Variants in TRIM42 observed in about 807,000 individuals in gnomAD.
The protein encoded by TRIM42 is tripartite motif containing 42.
TRIM42 carries 59 observed loss-of-function variants against 64.9 expected under a neutral mutation model. The observed-to-expected ratio is 0.91, with a 90% CI of 0.74 to 1.13. The LOEUF (loss-of-function observed/expected upper bound fraction) is 1.13, where lower values mean the gene tolerates loss of function less well. TRIM42 is among the 50% of genes most tolerant of loss of function. The probability of loss-of-function intolerance (pLI) is 0.00; values close to 1 mark genes in which losing one functional copy is unlikely to be tolerated. For missense variants in TRIM42, 878 were observed against 929.5 expected (o/e 0.94, Z 0.72); for synonymous variants, 354 against 346.3 (o/e 1.02, Z -0.25).
At chr3:140,679,869 C>T (rs1246148700) in intron 1 of TRIM42, among the ~76,000 whole-genome samples, 1 of 151,974 alleles carries the variant, frequency 6.6e-6, no homozygotes, top group Admixed American at 6.6e-5. Flanking sequence ...ATTACTGATG[C>T]CTGATCCCCA....
rs1988600669 is a variant in TRIM42 at position 140,688,125 on chromosome 3, G to A, written c.1443G>A (p.Glu481=). 6.2e-7 allele frequency: 1 copy of A among 1,613,890 alleles called. No homozygotes were observed. The highest frequency in any genetic ancestry group is 1.3e-5 in the African/African-American group (1 of 74,902). Residue 481 remains glutamate, a synonymous_variant, in exon 3 of 5, where the codon GAG becomes GAA. Transcript: ENST00000286349. ...SINYVPLDFV[E]LSSAIHELFP... ...ACTACGTGCCCTTGGACTTTGTTGA[G>A]CTTTCCAGTGCCATCCATGAGCTCT...
chr3:140,682,984 G>A lies in TRIM42; in HGVS notation c.864G>A (p.Lys288=), dbSNP rs1474604544. Residue 288 remains lysine, a synonymous_variant, in exon 2 of 5, where the codon AAG becomes AAA. Coordinates refer to ENST00000286349, the MANE Select transcript of TRIM42 (RefSeq NM_152616.5). ...VDTSAEEQDE[K]ICIHHPSSRI... is the part of the protein sequence containing the mutation. ...CCAGCGCCGAGGAACAGGACGAGAA[G>A]ATCTGCATCCACCACCCATCCAGCC... 5.6e-6 allele frequency: 9 copies of A among 1,614,122 alleles called. No individual in the cohort carries two copies. The highest frequency in any genetic ancestry group is 1.7e-6 in the Non-Finnish European group (2 of 1,180,046).
intron 3 of TRIM42, among the ~76,000 whole-genome samples, chr3:140,689,430 G>A (rs1333871535): frequency 1.3e-5 from 2 of 152,112 alleles, no homozygotes; most frequent in African/African-American, 4.8e-5. Flanking sequence ...AGATCCTTGA[G>A]TTCTCAAACA....
Position 140,680,565 on chromosome 3 carries a change from C to T in TRIM42, c.342-1897C>T, listed in dbSNP as rs888491615. 2.2e-5 allele frequency: 11 copies of T among 494,884 alleles called. No homozygotes were observed. In the African/African-American group the frequency reaches 2.3e-4, roughly 10 times the overall value. The allele number at this position is 494,884 out of a possible 1,614,324, so 30.7% of individuals were successfully genotyped here. A position where few individuals can be genotyped will look rare whatever the true frequency, so the allele number is the denominator to read the frequency against. On this transcript the variant is annotated intron_variant, in intron 1 of 4. Transcript: ENST00000286349. The stretch of plus-strand genomic sequence containing the variant: ...TCCTGTGAAGGCCTCATAACAGCCT[C>T]TCTTTATATTATACCTTGATTCTCC...
chr3:140,698,701 T>C (rs1024763384), intron 4 of TRIM42, among the ~76,000 whole-genome samples: 23 of 152,186 alleles, frequency 1.5e-4, no homozygotes, highest in Non-Finnish European at 1.5e-5. Flanking sequence ...GAATAAAGAC[T>C]ATTTCTGTTT....
rs140813588 is a variant in TRIM42 at position 140,700,616 on chromosome 3, C to G, written c.2086-272C>G. On this transcript the variant is annotated intron_variant, in intron 4 of 4. Transcript: ENST00000286349. ...ACCTGCGGTCCAGCCCCATCACTGT[C>G]ATCAGCACTTAGTCACATGAGCTAC... Among the ~76,000 whole-genome samples the G allele has an allele frequency of 5.3e-5, 8 of 152,346 alleles. No individual in the cohort carries two copies. In the East Asian group the frequency reaches 1.5e-3, roughly 29 times the overall value.
intron 4 of TRIM42, among the ~76,000 whole-genome samples, chr3:140,695,462 G>T (rs771189203): frequency 6.6e-6 from 1 of 152,012 alleles, no homozygotes; most frequent in Non-Finnish European, 1.5e-5. Context: ...TAATTTTCTG[G>T]GTCTTTCCCT....
chr3:140,688,065 C>G lies in TRIM42; in HGVS notation c.1383C>G (p.Tyr461Ter). The change falls in exon 3 of 5, where the codon TAC becomes TAG. Residue 461 changes from tyrosine to a stop codon, truncating the protein, a stop_gained. Coordinates refer to ENST00000286349, the MANE Select transcript of TRIM42 (RefSeq NM_152616.5). LOFTEE classifies it high-confidence loss of function. ...TCGAGGACGGCATCCAGACCACCTA[C>G]AGGCCTGACCCACAGCTCCGGCTGC... Reference protein sequence around the residue: ...DQIEDGIQTTYRPDPQLRLHS... With the variant: ...DQIEDGIQTT 1 of 1,614,212 alleles carries G rather than the reference C, an allele frequency of 6.2e-7. No individual in the cohort carries two copies. Among genetic ancestry groups the G allele is most frequent in the African/African-American group, 1.3e-5 (1 of 75,042 alleles).
At chr3:140,689,106 G>C (rs1261933642) in intron 3 of TRIM42, among the ~76,000 whole-genome samples, 1 of 152,196 alleles carries the variant, frequency 6.6e-6, no homozygotes, top group Non-Finnish European at 1.5e-5. Context: ...GTCTGTCACA[G>C]ACCTCTGTAA....
chr3:140,694,939 G>A (rs1362528169), intron 4 of TRIM42, among the ~76,000 whole-genome samples: 1 of 152,104 alleles, frequency 6.6e-6, no homozygotes, highest in Non-Finnish European at 1.5e-5. Context: ...ATTCAGGCTA[G>A]TCTCCCTACC....
intron 3 of TRIM42, among the ~76,000 whole-genome samples, chr3:140,690,648 G>A (rs1215746703): frequency 6.7e-6 from 1 of 148,266 alleles, no homozygotes; most frequent in Non-Finnish European, 1.5e-5. Flanking sequence ...ACTGAATTGT[G>A]ATATTATGAG....
Position 140,688,387 on chromosome 3 carries a change from G to GA in TRIM42, c.1706dup (p.Asp569GlufsTer66), listed in dbSNP as rs1433368235. On this transcript the variant is annotated frameshift_variant, in exon 3 of 5. Transcript: ENST00000286349. LOFTEE classifies it high-confidence loss of function. The stretch of plus-strand genomic sequence containing the variant: ...GTCAGCCACCCCCGCCAAACCCACA[G>GA]ACGGCCTCTACACCTACTGGAGTGC... 6.2e-7 allele frequency: 1 copy of GA among 1,614,200 alleles called. No homozygotes were observed. The highest frequency in any genetic ancestry group is 1.1e-5 in the South Asian group (1 of 91,080).
intron 4 of TRIM42, among the ~76,000 whole-genome samples, chr3:140,700,111 G>C (rs1237380002): frequency 1.3e-5 from 2 of 152,070 alleles, no homozygotes; most frequent in Admixed American, 6.5e-5. Context: ...ATTTATTTGG[G>C]GGGAAGGAAT....
Position 140,690,547 on chromosome 3 carries a change from A to G in TRIM42, c.1861-421A>G, listed in dbSNP as rs1211821902. Among the ~76,000 whole-genome samples, 77 of 16,882 alleles carry G rather than the reference A, an allele frequency of 4.6e-3. 1 individual carries two copies. The highest frequency in any genetic ancestry group is 0.01 in the African/African-American group (72 of 6,954). The allele number at this position is 16,882 out of a possible 152,430, so 11.1% of individuals were successfully genotyped here. On this transcript the variant is annotated intron_variant, in intron 3 of 4. Transcript: ENST00000286349. ...AGTTTTTATGTATATATATATATAT[A>G]TATATATATATATATATATATATAT...
chr3:140,699,772 C>A (rs1471653001), intron 4 of TRIM42, among the ~76,000 whole-genome samples: 1 of 152,156 alleles, frequency 6.6e-6, no homozygotes, highest in African/African-American at 2.4e-5. Flanking sequence ...ATTTCCATTT[C>A]TACTCAGCAA....
chr3:140,679,820 A>G (rs971631465), intron 1 of TRIM42, among the ~76,000 whole-genome samples: 6 of 151,966 alleles, frequency 3.9e-5, no homozygotes, highest in South Asian at 2.1e-4. Context: ...TAGCTCCCCA[A>G]CGTTACTGTG....
rs777109636 is a variant in TRIM42 at position 140,682,812 on chromosome 3, G to C, written c.692G>C (p.Arg231Pro). ...GGCTACCTCAAGTGGCGCTTTGACC[G>C]CTCCTCCGGGCCCATCCTCTGCCAG... ...EHGYLKWRFD[R>P]SSGPILCQVC... The change falls in exon 2 of 5, where the codon CGC becomes CCC. Residue 231 changes from arginine to proline, a missense_variant. Transcript: ENST00000286349. The C allele has an allele frequency of 3.1e-6, 5 of 1,613,942 alleles. No homozygotes were observed. Among genetic ancestry groups the C allele is most frequent in the Non-Finnish European group, 4.2e-6 (5 of 1,180,042 alleles).
At chr3:140,678,780 T>C (rs1221920513) in intron 1 of TRIM42, among the ~76,000 whole-genome samples, 2 of 152,214 alleles carry the variant, frequency 1.3e-5, no homozygotes, top group East Asian at 1.9e-4. Context: ...CGCCATTAAC[T>C]ATGTAAATGA....
intron 2 of TRIM42, among the ~76,000 whole-genome samples, chr3:140,683,381 TA>T (rs1301112036): frequency 6.6e-6 from 1 of 151,942 alleles, no homozygotes; most frequent in Admixed American, 6.6e-5. Context: ...TTTTCTCACC[TA>T]TGAAACGGGA....
Sources: gnomAD v4.1 joint callset for allele counts (sites outside exome capture counted in the v4.1 genomes callset) on GRCh38, gnomAD v4.1.1 for gene constraint, MANE v1.5 for transcripts, NCBI Gene and HGNC (gene_info 2026-07-23, HGNC 2026-07-21) for gene names.